GRM5: variants seen among roughly 807,000 people sequenced by gnomAD.
GRM5 encodes the protein metabotropic glutamate receptor 5.
GRM5 carries 19 observed loss-of-function variants against 83.1 expected under a neutral mutation model. The ratio of observed to expected loss-of-function variants is 0.23; its 90% confidence interval spans 0.16 to 0.34. The LOEUF (loss-of-function observed/expected upper bound fraction) is 0.34, where lower values mean the gene tolerates loss of function less well. Ranked by LOEUF, GRM5 falls within the 10% of genes least tolerant of loss-of-function variation. The pLI, the probability that GRM5 is intolerant of heterozygous loss-of-function variation, is 1.00. For synonymous variants in GRM5, 675 were observed against 633.6 expected, an observed-to-expected ratio of 1.07 and a Z score of -0.98; for missense variants, 1,160 against 1,588.3, an observed-to-expected ratio of 0.73 and a Z score of 4.58.
intron 3 of GRM5, among the ~76,000 whole-genome samples, chr11:88,789,062 T>C (rs936577580): frequency 6.6e-6 from 1 of 152,188 alleles, no homozygotes. Flanking sequence ...ATAATGTTAA[T>C]ATAGTTACAG....
chr11:88,881,906 A>G (rs1944960348), intron 2 of GRM5, among the ~76,000 whole-genome samples: 1 of 151,902 alleles, frequency 6.6e-6, no homozygotes, highest in South Asian at 2.1e-4. Flanking sequence ...GAGGCTTTGG[A>G]GTTCTTAGAA....
intron 5 of GRM5, 84 bp downstream of exon 5, chr11:88,604,634 C>T: frequency 4.3e-6 from 5 of 1,163,438 alleles, no homozygotes; most frequent in Non-Finnish European, 6.2e-6. Flanking sequence ...AGATTAACCA[C>T]AAAGGAGAGA....
At chr11:88,562,116 G>GA (rs1942771375) in intron 8 of GRM5, among the ~76,000 whole-genome samples, 2 of 152,000 alleles carry the variant, frequency 1.3e-5, no homozygotes, top group South Asian at 4.2e-4. Context: ...GGTTTACTTG[G>GA]AAAAAAATGG....
At chr11:88,664,595 C>T (rs1476717398) in intron 3 of GRM5, among the ~76,000 whole-genome samples, 1 of 151,944 alleles carries the variant, frequency 6.6e-6, no homozygotes, top group Non-Finnish European at 1.5e-5. Context: ...TACGGGTGTG[C>T]ACCACCATGC....
intron 1 of GRM5, among the ~76,000 whole-genome samples, chr11:89,060,464 G>C (rs58464619): frequency 1.3e-5 from 2 of 151,862 alleles, no homozygotes; most frequent in African/African-American, 4.8e-5. Flanking sequence ...TTTGACAGTA[G>C]AATAAAAAAC....
chr11:88,673,753 G>C lies in GRM5; in HGVS notation c.912-20350C>G, dbSNP rs929403004. Among the ~76,000 whole-genome samples the C allele has an allele frequency of 9.9e-5, 15 of 151,904 alleles. 1 individual carries two copies. In the South Asian group the frequency reaches 1.9e-3, roughly 19 times the overall value. ...ATAAGTCATATCTCAGACAGAAAGA[G>C]ATAAAAATCTGTTTAGGGAGATGTA... On this transcript the variant is annotated intron_variant, in intron 3 of 9. Transcript: ENST00000305447.
At chr11:88,731,669 C>A (rs544252160) in intron 3 of GRM5, among the ~76,000 whole-genome samples, 1 of 152,022 alleles carries the variant, frequency 6.6e-6, no homozygotes, top group South Asian at 2.1e-4. Context: ...CAGTGTATTA[C>A]AATGTGCCTG....
chr11:88,689,514 G>A (rs146589902), intron 3 of GRM5, among the ~76,000 whole-genome samples: 60 of 152,314 alleles, frequency 3.9e-4, no homozygotes, highest in African/African-American at 1.2e-3. Context: ...TTCTGGGCTC[G>A]TGTGGTTTTG....
At chr11:88,864,914 T>C (rs923129902) in intron 2 of GRM5, among the ~76,000 whole-genome samples, 2 of 152,046 alleles carry the variant, frequency 1.3e-5, no homozygotes, top group African/African-American at 4.8e-5. Flanking sequence ...TCTGCATCTA[T>C]TGAGATAGTC....
At chr11:88,640,371 A>T (rs78769601) in intron 4 of GRM5, among the ~76,000 whole-genome samples, 3,446 of 152,110 alleles carry the variant, frequency 0.023, 120 homozygotes, top group African/African-American at 0.078. Context: ...TCTGAGAGTA[A>T]AAACTTGAAC....
chr11:88,672,500 C>T (rs2135334273), intron 3 of GRM5, among the ~76,000 whole-genome samples: 1 of 151,874 alleles, frequency 6.6e-6, no homozygotes, highest in East Asian at 1.9e-4. Context: ...AAATTGGGCC[C>T]ATGTCTTGAA....
intron 3 of GRM5, among the ~76,000 whole-genome samples, chr11:88,730,766 G>C (rs535835779): frequency 6.6e-6 from 1 of 152,240 alleles, no homozygotes; most frequent in African/African-American, 2.4e-5. Flanking sequence ...ACGAACACAC[G>C]AACAGAAAAC....
intron 2 of GRM5, among the ~76,000 whole-genome samples, chr11:89,043,349 A>G (rs1401332185): frequency 1.3e-5 from 2 of 152,174 alleles, no homozygotes; most frequent in Non-Finnish European, 2.9e-5. Flanking sequence ...ATAAAACACA[A>G]TACAATAATT....
chr11:88,559,297 C>T (rs1942702936), intron 8 of GRM5, among the ~76,000 whole-genome samples: 1 of 152,124 alleles, frequency 6.6e-6, no homozygotes, highest in Non-Finnish European at 1.5e-5. Context: ...TTCTACTCCT[C>T]ACTCATTAAT....
intron 2 of GRM5, among the ~76,000 whole-genome samples, chr11:88,944,748 G>A (rs180952664): frequency 1.4e-4 from 21 of 151,734 alleles, no homozygotes; most frequent in East Asian, 7.8e-4. Flanking sequence ...CAAAACCACC[G>A]CCAACAATAT....
intron 3 of GRM5, among the ~76,000 whole-genome samples, chr11:88,666,523 T>C (rs1659378325): frequency 6.6e-6 from 1 of 152,204 alleles, no homozygotes; most frequent in Non-Finnish European, 1.5e-5. Flanking sequence ...ATGAGGGATC[T>C]GCCCTCATAA....
chr11:89,040,519 G>T (rs1000583148), intron 2 of GRM5, among the ~76,000 whole-genome samples: 1 of 151,938 alleles, frequency 6.6e-6, no homozygotes, highest in African/African-American at 2.4e-5. Context: ...ACACAATAAG[G>T]CCTCATCTCT....
intron 2 of GRM5, among the ~76,000 whole-genome samples, chr11:88,941,499 GGGGA>G (rs1938102606): frequency 2.8e-5 from 1 of 35,394 alleles, no homozygotes; most frequent in African/African-American, 6.1e-5. Flanking sequence ...GGGGAGAGGA[GGGGA>G]GAGGAGGGGA....
chr11:88,564,059 T>A (rs183411199), intron 8 of GRM5, among the ~76,000 whole-genome samples: 15 of 152,300 alleles, frequency 9.8e-5, no homozygotes, highest in African/African-American at 3.6e-4. Context: ...ATTATAGCTT[T>A]CCCTGCCCCT....
Sources: allele counts gnomAD v4.1 joint callset (sites outside exome capture counted in the v4.1 genomes callset), GRCh38; gene constraint gnomAD v4.1.1; transcripts MANE v1.5; gene names NCBI Gene and HGNC (gene_info 2026-07-23, HGNC 2026-07-21).